CAMKMT: variants seen among roughly 807,000 people sequenced by gnomAD.
The protein encoded by CAMKMT is calmodulin-lysine N-methyltransferase.
CAMKMT carries 53 observed loss-of-function variants against 48.0 expected under a neutral mutation model. That is an observed-to-expected ratio of 1.10 (90% CI 0.89 to 1.39). The LOEUF (loss-of-function observed/expected upper bound fraction) is 1.39, where lower values mean the gene tolerates loss of function less well. Ranked by LOEUF, CAMKMT falls within the 40% of genes most tolerant of loss-of-function variation. The pLI is 0.00. For missense variants in CAMKMT, 428 were observed against 402.7 expected, an observed-to-expected ratio of 1.06 and a Z score of -0.54; for synonymous variants, 165 against 152.3, an observed-to-expected ratio of 1.08 and a Z score of -0.61.
intron 6 of CAMKMT, among the ~76,000 whole-genome samples, chr2:44,714,158 A>C (rs1006873530): frequency 6.6e-5 from 10 of 152,302 alleles, no homozygotes; most frequent in African/African-American, 2.4e-4. Context: ...AACATACGCA[A>C]CAGGGTCTTT....
intron 3 of CAMKMT, among the ~76,000 whole-genome samples, chr2:44,691,496 A>T (rs1050799410): frequency 6.6e-6 from 1 of 152,200 alleles, no homozygotes; most frequent in African/African-American, 2.4e-5. Flanking sequence ...TAATCAAATC[A>T]CACCCATAAT....
intron 3 of CAMKMT, among the ~76,000 whole-genome samples, chr2:44,452,202 T>TC (rs1320612426): frequency 2.6e-5 from 4 of 151,894 alleles, no homozygotes; most frequent in Non-Finnish European, 5.9e-5. Flanking sequence ...AAATGAAGTG[T>TC]TTAGAGAGTT....
At chr2:44,732,085 A>C (rs1478737009) in intron 7 of CAMKMT, among the ~76,000 whole-genome samples, 1 of 152,094 alleles carries the variant, frequency 6.6e-6, no homozygotes, top group African/African-American at 2.4e-5. Context: ...CTGAGTAGCT[A>C]GGACAACAGG....
chr2:44,731,200 G>T (rs767320737), intron 7 of CAMKMT, among the ~76,000 whole-genome samples: 29 of 152,148 alleles, frequency 1.9e-4, no homozygotes, highest in Non-Finnish European at 3.8e-4. Flanking sequence ...AATTAGCTGG[G>T]CATGGTAGCA....
chr2:44,439,554 A>G (rs929889533), intron 3 of CAMKMT, among the ~76,000 whole-genome samples: 7 of 152,080 alleles, frequency 4.6e-5, no homozygotes, highest in Middle Eastern at 3.4e-3. Context: ...AAATGCCAAT[A>G]TGGGCCGGGC....
At chr2:44,375,281 G>C (rs1414723966) in intron 2 of CAMKMT, among the ~76,000 whole-genome samples, 1 of 151,138 alleles carries the variant, frequency 6.6e-6, no homozygotes, top group East Asian at 1.9e-4. Flanking sequence ...TATTTTTTAA[G>C]TTTGTTTAAT....
At chr2:44,554,678 C>T (rs1447914093) in intron 3 of CAMKMT, among the ~76,000 whole-genome samples, 1 of 151,872 alleles carries the variant, frequency 6.6e-6, no homozygotes, top group African/African-American at 2.4e-5. Flanking sequence ...CAAGATCAGC[C>T]TTGGCAACAT....
intron 3 of CAMKMT, among the ~76,000 whole-genome samples, chr2:44,594,946 G>T (rs867438865): frequency 2.0e-5 from 3 of 152,052 alleles, no homozygotes; most frequent in South Asian, 2.1e-4. Context: ...AATCTACAAA[G>T]AACTTAAATT....
intron 3 of CAMKMT, among the ~76,000 whole-genome samples, chr2:44,424,911 G>T (rs1227599493): frequency 6.6e-6 from 1 of 151,954 alleles, no homozygotes; most frequent in Non-Finnish European, 1.5e-5. Context: ...ATAACTTATA[G>T]AAATAAAAAA....
At chr2:44,382,061 C>A (rs966869364) in intron 2 of CAMKMT, among the ~76,000 whole-genome samples, 9 of 151,600 alleles carry the variant, frequency 5.9e-5, no homozygotes, top group Non-Finnish European at 1.2e-4. Flanking sequence ...CCTGCCTCAG[C>A]CTCCTGAGTA....
chr2:44,637,807 C>T (rs1349357244), intron 3 of CAMKMT, among the ~76,000 whole-genome samples: 1 of 151,956 alleles, frequency 6.6e-6, no homozygotes, highest in Admixed American at 6.6e-5. Flanking sequence ...TGGCTCACGC[C>T]TGTAATCCCA....
chr2:44,583,006 G>A (rs750501840), intron 3 of CAMKMT, among the ~76,000 whole-genome samples: 1 of 151,916 alleles, frequency 6.6e-6, no homozygotes, highest in South Asian at 2.1e-4. Flanking sequence ...TTGGAAATTC[G>A]AATTGTTCTG....
chr2:44,760,365 G>A (rs1375771010), intron 9 of CAMKMT, among the ~76,000 whole-genome samples: 4 of 151,988 alleles, frequency 2.6e-5, no homozygotes, highest in Admixed American at 6.6e-5. Context: ...TAGGGTTGGG[G>A]AAGGGCAGGA....
At chr2:44,559,030 A>G (rs143113371) in intron 3 of CAMKMT, among the ~76,000 whole-genome samples, 506 of 152,260 alleles carry the variant, frequency 3.3e-3, no homozygotes, top group African/African-American at 0.011. Context: ...TTATCTGTCT[A>G]TCTAACTATC....
intron 3 of CAMKMT, among the ~76,000 whole-genome samples, chr2:44,640,675 G>A (rs1396549756): frequency 1.3e-5 from 2 of 152,152 alleles, no homozygotes; most frequent in East Asian, 1.9e-4. Flanking sequence ...TATTATTGGT[G>A]CTTTGCTATT....
chr2:44,542,554 CTCTT>C (rs766304132), intron 3 of CAMKMT, among the ~76,000 whole-genome samples: 5,834 of 63,654 alleles, frequency 0.092, 130 homozygotes, highest in Non-Finnish European at 0.19. Context: ...CTCTCTCTCT[CTCTT>C]TCTCTCTCCA....
At chr2:44,387,472 T>A (rs960442410) in intron 2 of CAMKMT, among the ~76,000 whole-genome samples, 12 of 152,224 alleles carry the variant, frequency 7.9e-5, no homozygotes, top group Non-Finnish European at 1.5e-4. Context: ...ATTTTACGGT[T>A]CTGTGTCTTT....
rs900152652 is a variant in CAMKMT, at chr2:44,710,455, G to C, written c.556+2993G>C. ...GTCTCCTTGATCCTTAAACTGCATT[G>C]CTGGGTCTACGAACTCAAAGCCCCC... On this transcript the variant is annotated intron_variant, in intron 6 of 10. Transcript: ENST00000378494. Among the ~76,000 whole-genome samples, 3 of 152,032 alleles carry C rather than the reference G, an allele frequency of 2.0e-5. No homozygotes were observed. In the South Asian group the frequency reaches 6.2e-4, roughly 32 times the overall value.
chr2:44,458,593 G>A (rs1183533536), intron 3 of CAMKMT, among the ~76,000 whole-genome samples: 2 of 152,202 alleles, frequency 1.3e-5, no homozygotes, highest in African/African-American at 4.8e-5. Flanking sequence ...TCTCAGAATT[G>A]AAAACAGCAT....
Sources: allele counts gnomAD v4.1 joint callset (sites outside exome capture counted in the v4.1 genomes callset), GRCh38; gene constraint gnomAD v4.1.1; transcripts MANE v1.5; gene names NCBI Gene and HGNC (gene_info 2026-07-23, HGNC 2026-07-21).